The following FRMD3 variants were observed in gnomAD, a reference collection of about 807,000 sequenced individuals.
FRMD3 encodes the protein FERM domain containing 3.
FRMD3 carries 33 observed loss-of-function variants against 70.2 expected under a neutral mutation model. That is an observed-to-expected ratio of 0.47 (90% CI 0.36 to 0.63). The LOEUF (loss-of-function observed/expected upper bound fraction) is 0.63. FRMD3 is among the 20% of genes least tolerant of loss of function. The pLI, the probability that FRMD3 is intolerant of heterozygous loss-of-function variation, is 0.00. For missense variants in FRMD3, 632 were observed against 711.4 expected (o/e 0.89, Z 1.27); for synonymous variants, 279 against 255.9 (o/e 1.09, Z -0.86).
At chr9:83,267,222 AC>A in intron 13 of FRMD3, 1 of 1,544,304 alleles carries the variant, frequency 6.5e-7, no homozygotes, top group Non-Finnish European at 8.8e-7. Flanking sequence ...GTTTTAAAGG[AC>A]CTAGGCAGGA....
chr9:83,438,367 A>G (rs919230176), intron 1 of FRMD3, among the ~76,000 whole-genome samples: 1 of 151,992 alleles, frequency 6.6e-6, no homozygotes, highest in Admixed American at 6.6e-5. Context: ...GAGAGTCACA[A>G]ACTCTTTCTT....
In FRMD3 at chr9:83,336,953, G is replaced by C. The variant is rs1485239314; in HGVS notation, c.473-1314C>G. Among the ~76,000 whole-genome samples the C allele has an allele frequency of 2.0e-5, 3 of 152,052 alleles. No individual in the cohort carries two copies. In the East Asian group the frequency reaches 5.8e-4, roughly 29 times the overall value. ...GTAAGAGACCACTGACTACAAAGTG[G>C]TTCTGGCCAGTCTATGGAGGCTGTG... On this transcript the variant is annotated intron_variant, in intron 5 of 13. Transcript: ENST00000304195.
intron 1 of FRMD3, among the ~76,000 whole-genome samples, chr9:83,475,280 A>C (rs1828368848): frequency 1.3e-5 from 2 of 152,074 alleles, no homozygotes; most frequent in African/African-American, 4.8e-5. Flanking sequence ...AATATATATA[A>C]TACATATATA....
rs1835472354 is a variant in FRMD3 at position 83,314,189 on chromosome 9, G to A, written c.597-442C>T. ...CAACAAGCCTAAACAGAGCCATCAA[G>A]GCCAAAAGAATTGTCAACCATCCCA... On this transcript the variant is annotated intron_variant, in intron 6 of 13. Coordinates refer to ENST00000304195, the MANE Select transcript of FRMD3 (RefSeq NM_174938.6). 2.0e-5 allele frequency among the ~76,000 whole-genome samples: 3 copies of A among 152,242 alleles called. No homozygotes were observed. The South Asian group carries it at 6.2e-4, about 32-fold the overall frequency.
intron 1 of FRMD3, among the ~76,000 whole-genome samples, chr9:83,528,977 A>T (rs1297965148): frequency 6.6e-6 from 1 of 152,248 alleles, no homozygotes; most frequent in Non-Finnish European, 1.5e-5. Context: ...TAATGTAAAA[A>T]ACATATTTTT....
intron 6 of FRMD3, chr9:83,331,946 ACT>A: frequency 1.4e-6 from 1 of 709,620 alleles, no homozygotes; most frequent in Non-Finnish European, 2.6e-6. Context: ...GCTATGAATC[ACT>A]TCCGAAATGA....
intron 3 of FRMD3, among the ~76,000 whole-genome samples, chr9:83,353,845 T>A (rs1389836382): frequency 6.6e-6 from 1 of 152,244 alleles, no homozygotes; most frequent in African/African-American, 2.4e-5. Flanking sequence ...AATGATCTAT[T>A]GTTATAGGTA....
chr9:83,410,276 G>T (rs1826242597), intron 1 of FRMD3, among the ~76,000 whole-genome samples: 1 of 152,130 alleles, frequency 6.6e-6, no homozygotes, highest in Non-Finnish European at 1.5e-5. Flanking sequence ...TACCCAATAA[G>T]TAGTTTTTCA....
At chr9:83,313,795 G>A (rs762213648) in intron 6 of FRMD3, 48 bp from the exon 7 acceptor site, 18 of 1,369,648 alleles carry the variant, frequency 1.3e-5, no homozygotes, top group Non-Finnish European at 1.9e-5. Flanking sequence ...GAAAAGAATA[G>A]AAACTCGGAA....
chr9:83,408,943 G>C (rs1020238563), intron 1 of FRMD3, among the ~76,000 whole-genome samples: 1 of 152,194 alleles, frequency 6.6e-6, no homozygotes, highest in Admixed American at 6.5e-5. Flanking sequence ...AAGGAAGAGA[G>C]CAGCAACCCT....
chr9:83,290,636 T>G lies in FRMD3; in HGVS notation c.1162A>C (p.Ser388Arg). ...AGAGGAAGTTCTTCTTCTTGCTCGC[T>G]GGGGGAAGGAAGCAGGGGCTGCAGG... ...EPLQPLLPSPSEQEEELPLGE... is the reference protein window; with the variant it reads ...EPLQPLLPSPREQEEELPLGE... The change falls in exon 13 of 14, where the codon AGC becomes CGC. Residue 388 changes from serine to arginine, a missense_variant. Around this residue, in one of 3 missense-constraint regions of FRMD3, gnomAD observed 418 missense variants for 442.1 expected, o/e 0.95. Coordinates refer to ENST00000304195, the MANE Select transcript of FRMD3 (RefSeq NM_174938.6). 1 of 1,614,088 alleles carries G rather than the reference T, an allele frequency of 6.2e-7. No homozygotes were observed.
chr9:83,265,185 G>C (rs1162880254), intron 13 of FRMD3, among the ~76,000 whole-genome samples: 1 of 152,012 alleles, frequency 6.6e-6, no homozygotes, highest in African/African-American at 2.4e-5. Context: ...CGGATCACGA[G>C]GTCAGGAGAT....
chr9:83,467,521 G>T, intron 1 of FRMD3: 1 of 851,386 alleles, frequency 1.2e-6, no homozygotes, highest in Non-Finnish European at 1.9e-6. Context: ...TTGTTTCAGT[G>T]AAAATAATTC....
upstream of FRMD3, among the ~76,000 whole-genome samples, chr9:83,539,221 C>T (rs1359405050): frequency 1.3e-5 from 2 of 152,154 alleles, no homozygotes; most frequent in Non-Finnish European, 2.9e-5. Context: ...CGTTTTAGTC[C>T]AATCTCTGGG....
intron 10 of FRMD3, among the ~76,000 whole-genome samples, chr9:83,302,369 A>G (rs1834960572): frequency 6.6e-6 from 1 of 152,190 alleles, no homozygotes; most frequent in Non-Finnish European, 1.5e-5. Context: ...GGATGACCCA[A>G]GAGGTGACAT....
At chr9:83,372,849 T>C in intron 3 of FRMD3, 64 bp downstream of exon 3, 3 of 1,426,088 alleles carry the variant, frequency 2.1e-6, no homozygotes, top group Non-Finnish European at 3.0e-6. Flanking sequence ...AGAAAGTTTG[T>C]CAGGGAACAG....
At chr9:83,292,654 T>A (rs375775213) in intron 12 of FRMD3, among the ~76,000 whole-genome samples, 1 of 152,100 alleles carries the variant, frequency 6.6e-6, no homozygotes. Flanking sequence ...ATTTTTTATT[T>A]TTTATTTTTT....
At chr9:83,475,934 C>T (rs1252004401) in intron 1 of FRMD3, among the ~76,000 whole-genome samples, 1 of 152,148 alleles carries the variant, frequency 6.6e-6, no homozygotes, top group Non-Finnish European at 1.5e-5. Context: ...CCCCAGGCCT[C>T]ACTTACGTAA....
At chr9:83,517,533 T>C (rs1487564656) in intron 1 of FRMD3, among the ~76,000 whole-genome samples, 1 of 138,612 alleles carries the variant, frequency 7.2e-6, no homozygotes, top group African/African-American at 2.7e-5. Context: ...CTAGGACCGA[T>C]GGATTCACAG....
Sources: gnomAD v4.1 joint callset for allele counts (sites outside exome capture counted in the v4.1 genomes callset) on GRCh38, gnomAD v4.1.1 for gene constraint, gnomAD v4.1.1 regional missense constraint, MANE v1.5 for transcripts, NCBI Gene and HGNC (gene_info 2026-07-23, HGNC 2026-07-21) for gene names.